The following CXXC4 variants were observed in gnomAD, a reference collection of about 807,000 sequenced individuals.
CXXC4 encodes the protein CXXC-type zinc finger protein 4.
CXXC4 carries 5 observed loss-of-function variants against 20.5 expected under a neutral mutation model. That is an observed-to-expected ratio of 0.24 (90% CI 0.13 to 0.51). The LOEUF (loss-of-function observed/expected upper bound fraction) is 0.51. Ranked by LOEUF, CXXC4 falls within the 20% of genes least tolerant of loss-of-function variation. The probability of loss-of-function intolerance (pLI) is 0.97; values close to 1 mark genes in which losing one functional copy is unlikely to be tolerated. For synonymous variants in CXXC4, 250 were observed against 216.4 expected, an observed-to-expected ratio of 1.16 and a Z score of -1.36; for missense variants, 419 against 496.4, an observed-to-expected ratio of 0.84 and a Z score of 1.48.
At chr4:104,472,775 A>T (rs1197789494) in intron 2 of CXXC4, among the ~76,000 whole-genome samples, 2 of 151,988 alleles carry the variant, frequency 1.3e-5, no homozygotes, top group Non-Finnish European at 2.9e-5. Context: ...TAACATACAC[A>T]CAGAAGGCAC....
Position 104,491,478 on chromosome 4 carries a change from C to G in CXXC4, c.325G>C (p.Gly109Arg), listed in dbSNP as rs1193020421. The change falls in exon 2 of 3, where the codon GGG becomes CGG. Residue 109 changes from glycine (G) to arginine (R), a missense_variant. Around this residue, in one of 3 missense-constraint regions of CXXC4, gnomAD observed 388 missense variants for 416.0 expected, o/e 0.93. Coordinates refer to ENST00000394767, the MANE Select transcript of CXXC4 (RefSeq NM_025212.4). ...CCCCCCCCGCCGCCGCCCCCGCCCC[C>G]GCCGCTGCCCCAGAGCATGGCGGTG... ...AATAMLWGSG[G>R]GGGGGGGGGG... 16 of 1,004,318 alleles carry G rather than the reference C, an allele frequency of 1.6e-5. No homozygotes were observed. Among genetic ancestry groups the G allele is most frequent in the Non-Finnish European group, 2.0e-5 (16 of 805,372 alleles). The allele number at this position is 1,004,318 out of a possible 1,614,324, so 62.2% of individuals were successfully genotyped here.
intron 1 of CXXC4, among the ~76,000 whole-genome samples, chr4:104,492,524 A>G (rs1736920349): frequency 6.6e-6 from 1 of 152,154 alleles, no homozygotes; most frequent in African/African-American, 2.4e-5. Flanking sequence ...TATGAGGAAA[A>G]TGAACAGGAA....
At chr4:104,492,249 C>G (rs1418806631) in intron 1 of CXXC4, among the ~76,000 whole-genome samples, 190 bp from the exon 2 acceptor site, 1 of 146,988 alleles carries the variant, frequency 6.8e-6, no homozygotes, top group Non-Finnish European at 1.5e-5. Flanking sequence ...CGCTCCCTCC[C>G]TCCCCACAGC....
intron 2 of CXXC4, among the ~76,000 whole-genome samples, chr4:104,483,962 A>G (rs903280113): frequency 6.6e-6 from 1 of 152,008 alleles, no homozygotes; most frequent in Non-Finnish European, 1.5e-5. Context: ...ACAAGGAAAC[A>G]TGTTTAATTA....
chr4:104,477,483 A>C (rs1736442416), intron 2 of CXXC4, among the ~76,000 whole-genome samples: 1 of 152,054 alleles, frequency 6.6e-6, no homozygotes, highest in Admixed American at 6.6e-5. Flanking sequence ...AATAATTAAT[A>C]ATTATGATAT....
chr4:104,472,934 T>G (rs926720185), intron 2 of CXXC4, among the ~76,000 whole-genome samples: 3 of 151,962 alleles, frequency 2.0e-5, no homozygotes, highest in Non-Finnish European at 2.9e-5. Flanking sequence ...GAGTGAGACA[T>G]ATAAGCATTC....
rs1477634635 is a variant in CXXC4 at position 104,491,596 on chromosome 4, G to T, written c.207C>A (p.Pro69=). ...CGGCGGCGGCGCTGCTGGGGAAGAT[G>T]GGGGTGGTGATGCGCGCGATCTTGG... is the stretch of plus-strand genomic sequence containing the variant. ...QAAKIARITT[P]IFPSSAAAAA... The change falls in exon 2 of 3, where the codon CCC becomes CCA. Residue 69 remains proline, a synonymous_variant. Transcript: ENST00000394767. The T allele has an allele frequency of 1.3e-6, 2 of 1,538,560 alleles. No individual in the cohort carries two copies. The highest frequency in any genetic ancestry group is 1.8e-6 in the Non-Finnish European group (2 of 1,142,092).
intron 2 of CXXC4, among the ~76,000 whole-genome samples, chr4:104,483,632 T>C (rs1164697645): frequency 5.9e-5 from 9 of 152,002 alleles, no homozygotes; most frequent in Non-Finnish European, 1.2e-4. Flanking sequence ...TTAAATATGT[T>C]CACTTTCTAA....
chr4:104,482,752 C>T lies in CXXC4; in HGVS notation c.1059+7992G>A, dbSNP rs1736588651. On this transcript the variant is annotated intron_variant, in intron 2 of 2. Transcript: ENST00000394767. ...GAGAAAATATATCTATCTTCTGTGG[C>T]ATTTGCCAGATTTGCTGAAATAGAC... is the stretch of plus-strand genomic sequence containing the variant. 2.6e-5 allele frequency among the ~76,000 whole-genome samples: 4 copies of T among 152,218 alleles called. No homozygotes were observed. The South Asian group carries it at 8.3e-4, about 32-fold the overall frequency.
chr4:104,473,524 T>G (rs1381640290), intron 2 of CXXC4, among the ~76,000 whole-genome samples: 1 of 151,872 alleles, frequency 6.6e-6, no homozygotes, highest in Non-Finnish European at 1.5e-5. Flanking sequence ...TAAAATGTAT[T>G]CTAATGATAT....
chr4:104,490,936 CGAG>C lies in CXXC4; in HGVS notation c.864_866del (p.Ser292del), dbSNP rs750088127. On this transcript the variant is annotated inframe_deletion, in exon 2 of 3. Transcript: ENST00000394767. ...CTCCGCCAGCTCCCCCTGAGGAGGA[CGAG>C]GAGGAGGAGGAATGATTCTGCGGGC... 1,577 of 1,613,670 alleles carry C rather than the reference CGAG, an allele frequency of 9.8e-4. 10 individuals carry two copies. Among genetic ancestry groups the C allele is most frequent in the South Asian group, 9.5e-3 (868 of 91,044 alleles).
intron 2 of CXXC4, among the ~76,000 whole-genome samples, chr4:104,472,911 T>C (rs1036309494): frequency 1.3e-5 from 2 of 151,988 alleles, no homozygotes; most frequent in African/African-American, 2.4e-5. Flanking sequence ...ATGCAGCACA[T>C]GGTCTTAAAC....
At position 104,491,487 on chromosome 4, in the gene CXXC4, C is replaced by CCCCCAG; in HGVS notation, c.315_316insCTGGGG (p.Trp105_Gly106insLeuGly). On this transcript the variant is annotated inframe_insertion, in exon 2 of 3. Coordinates refer to ENST00000394767, the MANE Select transcript of CXXC4 (RefSeq NM_025212.4). ...CCGCCGCCCCCGCCCCCGCCGCTGC[C>CCCCCAG]CCAGAGCATGGCGGTGGCGGCGGCG... 8.7e-7 allele frequency: 1 copy of CCCCCAG among 1,144,152 alleles called. No individual in the cohort carries two copies. Among genetic ancestry groups the CCCCCAG allele is most frequent in the Non-Finnish European group, 1.1e-6 (1 of 898,682 alleles). The allele number at this position is 1,144,152 out of a possible 1,614,324, so 70.9% of individuals were successfully genotyped here.
At position 104,491,778 on chromosome 4, in the gene CXXC4, G is replaced by A. The variant is rs1736888158; in HGVS notation, c.25C>T (p.Pro9Ser). Reference protein sequence around the residue: MNTNVCVEPGPSPEAPGLP... With the variant: MNTNVCVESGPSPEAPGLP... ...CCCGGGGCCTCCGGGCTCGGCCCGGGCTCCACGCAGACATTGGTGTTCATG... is the reference window on the plus strand; with the variant it reads ...CCCGGGGCCTCCGGGCTCGGCCCGGACTCCACGCAGACATTGGTGTTCATG... Residue 9 changes from proline to serine, a missense_variant, in exon 2 of 3, where the codon CCC becomes TCC. Pro to Ser is a moderately conservative substitution (Grantham distance 74). Transcript: ENST00000394767. 1 of 1,524,308 alleles carries A rather than the reference G, an allele frequency of 6.6e-7. No individual in the cohort carries two copies. The highest frequency in any genetic ancestry group is 8.8e-7 in the Non-Finnish European group (1 of 1,134,214). The allele number at this position is 1,524,308 out of a possible 1,614,324, so 94.4% of individuals were successfully genotyped here.
Position 104,491,304 on chromosome 4 carries a change from T to C in CXXC4, c.499A>G (p.Arg167Gly), listed in dbSNP as rs1553913905. 4 of 1,580,850 alleles carry C rather than the reference T, an allele frequency of 2.5e-6. No homozygotes were observed. The highest frequency in any genetic ancestry group is 3.4e-6 in the Non-Finnish European group (4 of 1,165,602). Residue 167 changes from arginine to glycine, a missense_variant, in exon 2 of 3, where the codon AGG becomes GGG. By Grantham distance (125) the Arg-to-Gly change is moderately radical. Transcript: ENST00000394767. ...GGGGGGGGGS[R>G]TSMHHRNDSQ... The stretch of plus-strand genomic sequence containing the variant: ...TCGTTTCGGTGGTGCATGCTGGTCC[T>C]GCTGCCGCCGCCGCCGCCGCCGCCG...
Position 104,470,002 on chromosome 4 carries a change from C to T in CXXC4, c.*2320G>A, listed in dbSNP as rs769902476. 4.6e-5 allele frequency: 7 copies of T among 151,764 alleles called. No homozygotes were observed. The highest frequency in any genetic ancestry group is 8.8e-5 in the Non-Finnish European group (6 of 67,904). The allele number at this position is 151,764 out of a possible 1,614,324, so 9.4% of individuals were successfully genotyped here. On this transcript the variant is annotated 3_prime_UTR_variant, in exon 3 of 3. Transcript: ENST00000394767. ...TATGAGATCTTTAGGTTATTGTATG[C>T]CTACTGTAGCCTGAATAGAAGTTTG...
intron 2 of CXXC4, among the ~76,000 whole-genome samples, chr4:104,474,698 A>T (rs1354524598): frequency 6.6e-6 from 1 of 152,096 alleles, no homozygotes; most frequent in Non-Finnish European, 1.5e-5. Context: ...GTGTATATGT[A>T]TGACACAGAG....
At chr4:104,484,288 T>TA (rs1305727434) in intron 2 of CXXC4, among the ~76,000 whole-genome samples, 2 of 152,000 alleles carry the variant, frequency 1.3e-5, no homozygotes, top group African/African-American at 4.8e-5. Context: ...TCAGAGAAGT[T>TA]ATGCTGATGT....
At chr4:104,474,921 A>G (rs1453123763) in intron 2 of CXXC4, among the ~76,000 whole-genome samples, 1 of 152,036 alleles carries the variant, frequency 6.6e-6, no homozygotes, top group African/African-American at 2.4e-5. Flanking sequence ...CAGCTACTCA[A>G]TTTTATTTGC....
Sources: allele counts gnomAD v4.1 joint callset (sites outside exome capture counted in the v4.1 genomes callset), GRCh38; gene constraint gnomAD v4.1.1; regional missense constraint gnomAD v4.1.1; transcripts MANE v1.5; gene names NCBI Gene and HGNC (gene_info 2026-07-23, HGNC 2026-07-21).